DLEU7: variants seen among roughly 807,000 people sequenced by gnomAD.
The protein encoded by DLEU7 is deleted in lymphocytic leukemia 7, also known as leukemia-associated protein 7.
DLEU7 carries 17 observed loss-of-function variants against 16.0 expected under a neutral mutation model. That is an observed-to-expected ratio of 1.06 (90% confidence interval 0.73 to 1.59). The LOEUF is 1.59. DLEU7 is among the 40% of genes most tolerant of loss of function. The pLI, the probability that DLEU7 is intolerant of heterozygous loss-of-function variation, is 0.00. For missense variants in DLEU7, 308 were observed against 314.9 expected, an observed-to-expected ratio of 0.98 and a Z score of 0.17; for synonymous variants, 113 against 139.8, an observed-to-expected ratio of 0.81 and a Z score of 1.35.
intron 1 of DLEU7, among the ~76,000 whole-genome samples, chr13:50,737,262 TAA>T (rs1377829304): frequency 6.6e-6 from 1 of 152,152 alleles, no homozygotes; most frequent in Non-Finnish European, 1.5e-5. Flanking sequence ...AGTCAAAATA[TAA>T]AAAGATAATA....
intron 1 of DLEU7, among the ~76,000 whole-genome samples, chr13:50,794,139 T>C (rs542809075): frequency 7.0e-4 from 106 of 152,322 alleles, no homozygotes; most frequent in Non-Finnish European, 1.0e-3. Context: ...ATTTACTTGC[T>C]TATTGTTTAC....
In DLEU7 at chr13:50,728,697, A is replaced by AC. The variant is rs148610211; in HGVS notation, c.460-15458dup. On this transcript the variant is annotated intron_variant, in intron 1 of 1. Coordinates refer to the DLEU7 transcript ENST00000400393. ...TTTTGCCTGCCCCAAAGATTACAGA[A>AC]CAGGAGTGTTTGTTTTCTCAGATTC... Among the ~76,000 whole-genome samples, 1,038 of 152,238 alleles carry AC rather than the reference A, an allele frequency of 6.8e-3. 17 individuals carry two copies. The highest frequency in any genetic ancestry group is 0.051 in the East Asian group (264 of 5,184).
rs186671529 is a variant in DLEU7, at chr13:50,753,561, C to A, written c.460-40321G>T. On this transcript the variant is annotated intron_variant, in intron 1 of 1. Coordinates refer to the DLEU7 transcript ENST00000400393. ...CAGCCGCTGGCCCGGTTGCTAAGCC[C>A]CTCATTGCCCGGGGCCAGCAGGGCA... 2.3e-3 allele frequency among the ~76,000 whole-genome samples: 356 copies of A among 152,342 alleles called. 3 individuals carry two copies. The highest frequency in any genetic ancestry group is 0.021 in the East Asian group (108 of 5,180).
At chr13:50,800,533 C>T (rs1159830771) in intron 1 of DLEU7, among the ~76,000 whole-genome samples, 2 of 152,068 alleles carry the variant, frequency 1.3e-5, no homozygotes, top group South Asian at 2.1e-4. Context: ...AACAGAGCTG[C>T]CTTCACTCCT....
intron 1 of DLEU7, among the ~76,000 whole-genome samples, chr13:50,827,544 G>A (rs1222875705): frequency 2.0e-5 from 3 of 151,852 alleles, no homozygotes; most frequent in Non-Finnish European, 2.9e-5. Context: ...AAATTATCTG[G>A]GCAAGAGGGC....
intron 1 of DLEU7, among the ~76,000 whole-genome samples, chr13:50,739,508 C>T (rs1361222059): frequency 6.6e-6 from 1 of 152,090 alleles, no homozygotes; most frequent in Non-Finnish European, 1.5e-5. Context: ...TGAGCCAAAA[C>T]CCAGACGGGG....
In DLEU7 at chr13:50,763,158, C is replaced by T. The variant is rs370536413; in HGVS notation, c.460-49918G>A. ...TGCAGAGGGGTGTGAGATCAAGCAG[C>T]AGCTCGGTACTGCTGTGGCACTGAT... On this transcript the variant is annotated intron_variant, in intron 1 of 1. Coordinates refer to the DLEU7 transcript ENST00000400393. 3.2e-4 allele frequency among the ~76,000 whole-genome samples: 48 copies of T among 152,306 alleles called. No individual in the cohort carries two copies. The East Asian group carries it at 7.7e-3, about 24-fold the overall frequency.
intron 1 of DLEU7, among the ~76,000 whole-genome samples, chr13:50,786,355 G>A (rs1875795032): frequency 6.6e-6 from 1 of 152,002 alleles, no homozygotes; most frequent in African/African-American, 2.4e-5. Flanking sequence ...GTTTTTGGTT[G>A]TTTTGTTTTG....
chr13:50,713,228 C>G, exon 2 of DLEU7: 2 of 1,611,054 alleles, frequency 1.2e-6, no homozygotes, highest in Admixed American at 3.3e-5. Context: ...CACTCATTAG[C>G]CAGGAGTTGA....
intron 1 of DLEU7, among the ~76,000 whole-genome samples, chr13:50,724,995 A>G (rs956843799): frequency 1.3e-5 from 2 of 152,218 alleles, no homozygotes; most frequent in East Asian, 3.9e-4. Flanking sequence ...CAGGTGTTCC[A>G]GAAGACCTGG....
chr13:50,770,147 C>T (rs1875250740), intron 1 of DLEU7, among the ~76,000 whole-genome samples: 1 of 152,086 alleles, frequency 6.6e-6, no homozygotes, highest in Non-Finnish European at 1.5e-5. Flanking sequence ...GCTGAAGTTG[C>T]TTATCAGCTT....
intron 1 of DLEU7, among the ~76,000 whole-genome samples, chr13:50,724,908 T>G (rs937276490): frequency 6.6e-6 from 1 of 152,160 alleles, no homozygotes; most frequent in African/African-American, 2.4e-5. Flanking sequence ...GTGACAGACA[T>G]CATTTCTGCT....
intron 1 of DLEU7, among the ~76,000 whole-genome samples, chr13:50,795,415 G>A (rs1197037348): frequency 6.6e-6 from 1 of 152,184 alleles, no homozygotes; most frequent in Non-Finnish European, 1.5e-5. Context: ...TGATAAAGGG[G>A]AAGACAGTAG....
In DLEU7 at chr13:50,823,171, C is replaced by T. The variant is rs1053901983; in HGVS notation, c.*143G>A. The T allele has an allele frequency of 4.8e-5, 69 of 1,438,956 alleles. No individual in the cohort carries two copies. Among genetic ancestry groups the T allele is most frequent in the Non-Finnish European group, 5.9e-5 (65 of 1,098,338 alleles). 89.1% of individuals were successfully genotyped at this position (1,438,956 alleles called of 1,614,324 possible). ...ATAATCCCGAAGGCTACAGATGCCA[C>T]TGGTCAGACTGCTCCACGTACCATC... On this transcript the variant is annotated 3_prime_UTR_variant, in exon 2 of 2. Transcript: ENST00000504404.
At chr13:50,752,678 G>T (rs1466192561) in intron 1 of DLEU7, among the ~76,000 whole-genome samples, 1 of 151,902 alleles carries the variant, frequency 6.6e-6, no homozygotes, top group African/African-American at 2.4e-5. Context: ...GTCTGGAGTT[G>T]TTCATTCCTG....
intron 1 of DLEU7, among the ~76,000 whole-genome samples, chr13:50,748,228 CTTTTTTT>C (rs71085044): frequency 6.9e-4 from 62 of 89,254 alleles, no homozygotes; most frequent in East Asian, 2.7e-3. Context: ...ACTCCTTAAA[CTTTTTTT>C]TTTTTTTTTT....
intron 1 of DLEU7, among the ~76,000 whole-genome samples, chr13:50,833,850 A>C (rs1467898281): frequency 1.3e-5 from 2 of 152,106 alleles, no homozygotes; most frequent in Non-Finnish European, 2.9e-5. Context: ...ATATATAGAC[A>C]AATGGAACAG....
chr13:50,737,703 C>G (rs1874115621), intron 1 of DLEU7, among the ~76,000 whole-genome samples: 1 of 152,256 alleles, frequency 6.6e-6, no homozygotes, highest in East Asian at 1.9e-4. Flanking sequence ...CCATCTCTCT[C>G]CCTTTCCTTG....
At chr13:50,806,751 T>C (rs1181770109) in intron 1 of DLEU7, among the ~76,000 whole-genome samples, 1 of 152,076 alleles carries the variant, frequency 6.6e-6, no homozygotes, top group Admixed American at 6.6e-5. Context: ...TGTTTTTACC[T>C]AGAAATGTAT....
Sources: gnomAD v4.1 joint callset for allele counts (sites outside exome capture counted in the v4.1 genomes callset) on GRCh38, gnomAD v4.1.1 for gene constraint, MANE v1.5 for transcripts, NCBI Gene and HGNC (gene_info 2026-07-23, HGNC 2026-07-21) for gene names.